Variants in CAMK2D observed in about 807,000 individuals in gnomAD.
CAMK2D encodes calcium/calmodulin dependent protein kinase II delta.
In CAMK2D, 37 loss-of-function variants were observed where a neutral mutation model predicts 84.0. The ratio of observed to expected loss-of-function variants is 0.44; its 90% confidence interval spans 0.34 to 0.58. The LOEUF is 0.58. Ranked by LOEUF, CAMK2D falls within the 20% of genes least tolerant of loss-of-function variation. CAMK2D has a pLI of 0.02. For missense variants in CAMK2D, 448 were observed against 652.5 expected (o/e 0.69, Z 3.41); for synonymous variants, 202 against 212.5 (o/e 0.95, Z 0.43).
chr4:113,607,631 G>A (rs1481980310), intron 4 of CAMK2D, among the ~76,000 whole-genome samples: 2 of 151,186 alleles, frequency 1.3e-5, no homozygotes, highest in African/African-American at 4.9e-5. Context: ...CCGCCCGCAA[G>A]AGAAAAATCC....
intron 2 of CAMK2D, among the ~76,000 whole-genome samples, chr4:113,688,740 C>A (rs936535560): frequency 6.6e-6 from 1 of 152,092 alleles, no homozygotes; most frequent in African/African-American, 2.4e-5. Flanking sequence ...AAGTCCATCA[C>A]ATCTTTGCTT....
At chr4:113,567,232 A>G (rs1454601221) in intron 4 of CAMK2D, among the ~76,000 whole-genome samples, 1 of 149,644 alleles carries the variant, frequency 6.7e-6, no homozygotes, top group Non-Finnish European at 1.5e-5. Flanking sequence ...CAGTGGTGCA[A>G]TCTTGGCTCA....
At chr4:113,481,661 T>C (rs183997925) in intron 16 of CAMK2D, among the ~76,000 whole-genome samples, 1 of 152,200 alleles carries the variant, frequency 6.6e-6, no homozygotes, top group East Asian at 1.9e-4. Context: ...GTTGTATTTT[T>C]AGTAGAGATG....
chr4:113,633,516 A>T (rs148852326), intron 3 of CAMK2D, among the ~76,000 whole-genome samples: 184 of 152,354 alleles, frequency 1.2e-3, no homozygotes, highest in African/African-American at 4.3e-3. Context: ...AGCTGCATTC[A>T]TAGAGATCAG....
intron 2 of CAMK2D, among the ~76,000 whole-genome samples, chr4:113,712,801 T>C (rs894120587): frequency 1.3e-5 from 2 of 152,068 alleles, no homozygotes; most frequent in African/African-American, 2.4e-5. Flanking sequence ...AAAAAAGTCA[T>C]ATATATACAT....
intron 3 of CAMK2D, among the ~76,000 whole-genome samples, chr4:113,630,993 T>TA (rs1448404056): frequency 3.9e-5 from 6 of 152,120 alleles, no homozygotes; most frequent in South Asian, 4.1e-4. Context: ...CACGACATAT[T>TA]AAAAAAATCA....
chr4:113,761,035 C>T lies in CAMK2D; in HGVS notation c.34G>A (p.Asp12Asn), dbSNP rs780266828. 6.2e-7 allele frequency: 1 copy of T among 1,614,212 alleles called. No homozygotes were observed. The highest frequency in any genetic ancestry group is 1.7e-5 in the Admixed American group (1 of 60,032). The change falls in exon 1 of 21, where the codon GAC becomes AAC. Residue 12 changes from aspartate (D) to asparagine (N), a missense_variant. This residue lies in a region of CAMK2D where 44 missense variants were observed against 45.6 expected (regional missense o/e 0.96). Transcript: ENST00000511664. Reference protein sequence around the residue: ...ASTTTCTRFTDEYQLFEELGK... With the variant: ...ASTTTCTRFTNEYQLFEELGK... Reference sequence around the variant, plus strand: ...AGCTCCTCGAAAAGCTGATACTCGTCCGTGAACCTGGTGCAGGTTGTGGTC... The same window carrying T: ...AGCTCCTCGAAAAGCTGATACTCGTTCGTGAACCTGGTGCAGGTTGTGGTC...
chr4:113,634,573 T>G (rs539876880), intron 3 of CAMK2D, among the ~76,000 whole-genome samples: 10 of 152,246 alleles, frequency 6.6e-5, no homozygotes, highest in African/African-American at 2.4e-4. Flanking sequence ...CATTTGTAAA[T>G]CAATTACAAG....
intron 2 of CAMK2D, among the ~76,000 whole-genome samples, chr4:113,673,906 G>T (rs1055828360): frequency 2.6e-5 from 4 of 152,198 alleles, no homozygotes; most frequent in African/African-American, 9.7e-5. Flanking sequence ...TTCTTACATG[G>T]CTGAAATAAA....
At chr4:113,721,027 T>C (rs375979179) in intron 2 of CAMK2D, among the ~76,000 whole-genome samples, 1 of 152,092 alleles carries the variant, frequency 6.6e-6, no homozygotes, top group African/African-American at 2.4e-5. Context: ...ATAAAAAACT[T>C]CATTTCCAAA....
chr4:113,699,203 T>A (rs2099411229), intron 2 of CAMK2D, among the ~76,000 whole-genome samples: 1 of 152,084 alleles, frequency 6.6e-6, no homozygotes, highest in Admixed American at 6.6e-5. Context: ...GGATGGTATA[T>A]CTCTCATAGG....
intron 4 of CAMK2D, among the ~76,000 whole-genome samples, chr4:113,598,008 T>G (rs1340446772): frequency 6.6e-6 from 1 of 152,310 alleles, no homozygotes; most frequent in South Asian, 2.1e-4. Flanking sequence ...TCTCAGCAAG[T>G]TATTTTTTGA....
chr4:113,599,152 A>G (rs920205160), intron 4 of CAMK2D, among the ~76,000 whole-genome samples: 5 of 152,220 alleles, frequency 3.3e-5, no homozygotes, highest in Non-Finnish European at 7.3e-5. Flanking sequence ...AAGAACACTG[A>G]CAACACCAAA....
At chr4:113,456,886 T>G (rs2097309721) in intron 19 of CAMK2D, 1 of 160,974 alleles carries the variant, frequency 6.2e-6, no homozygotes, top group African/African-American at 2.4e-5. Context: ...TACCTGACAA[T>G]GGCCTTTTAA....
intron 16 of CAMK2D, among the ~76,000 whole-genome samples, chr4:113,466,558 T>C (rs1294910971): frequency 6.6e-6 from 1 of 152,172 alleles, no homozygotes; most frequent in African/African-American, 2.4e-5. Context: ...AAATGGCCTT[T>C]AGTAAACTCT....
intron 2 of CAMK2D, among the ~76,000 whole-genome samples, chr4:113,747,305 C>CTTTTT (rs56062730): frequency 2.6e-5 from 3 of 114,516 alleles, no homozygotes; most frequent in Middle Eastern, 4.5e-3. Flanking sequence ...GAATTTTGAA[C>CTTTTT]TTTTTTTTTT....
intron 4 of CAMK2D, among the ~76,000 whole-genome samples, chr4:113,602,297 CATACAGTTCCTGAA>C (rs2098956625): frequency 6.6e-6 from 1 of 152,098 alleles, no homozygotes; most frequent in African/African-American, 2.4e-5. Flanking sequence ...TTTTCTCTGA[CATACAGTTCCTGAA>C]ATAAATGTCA....
At chr4:113,572,702 A>G (rs906448468) in intron 4 of CAMK2D, among the ~76,000 whole-genome samples, 3 of 152,308 alleles carry the variant, frequency 2.0e-5, no homozygotes, top group African/African-American at 7.2e-5. Flanking sequence ...AATTAGTTCA[A>G]TCATTGTGGA....
At chr4:113,667,289 G>A (rs182624790) in intron 2 of CAMK2D, among the ~76,000 whole-genome samples, 24 of 152,292 alleles carry the variant, frequency 1.6e-4, no homozygotes, top group African/African-American at 5.1e-4. Flanking sequence ...TTAAATAAAT[G>A]TTTGTTGACT....
Sources: gnomAD v4.1 joint callset for allele counts (sites outside exome capture counted in the v4.1 genomes callset) on GRCh38, gnomAD v4.1.1 for gene constraint, gnomAD v4.1.1 regional missense constraint, MANE v1.5 for transcripts, NCBI Gene and HGNC (gene_info 2026-07-23, HGNC 2026-07-21) for gene names.